The following SHISA6 variants were observed in gnomAD, a reference collection of about 807,000 sequenced individuals.
SHISA6 encodes protein shisa-6.
In SHISA6, 22 loss-of-function variants were observed where a neutral mutation model predicts 47.9. The ratio of observed to expected loss-of-function variants is 0.46; its 90% confidence interval spans 0.33 to 0.66. SHISA6 has a LOEUF of 0.66. SHISA6 is among the 30% of genes least tolerant of loss of function. The pLI, the probability that SHISA6 is intolerant of heterozygous loss-of-function variation, is 0.02. For missense variants in SHISA6, 680 were observed against 764.6 expected (o/e 0.89, Z 1.30); for synonymous variants, 388 against 337.8 (o/e 1.15, Z -1.63).
chr17:11,387,345 A>C (rs116856769), intron 3 of SHISA6, among the ~76,000 whole-genome samples: 5,325 of 152,174 alleles, frequency 0.035, 178 homozygotes, highest in Admixed American at 0.088. Context: ...GCAGGTGATG[A>C]GTTCAAGGCT....
intron 2 of SHISA6, among the ~76,000 whole-genome samples, chr17:11,310,681 A>C (rs1031421913): frequency 2.0e-5 from 3 of 152,224 alleles, no homozygotes; most frequent in Non-Finnish European, 2.9e-5. Flanking sequence ...TGCTTTAAAA[A>C]GATCACCTCT....
chr17:11,287,286 A>AAAGG (rs140468493), intron 2 of SHISA6, among the ~76,000 whole-genome samples: 1,965 of 149,952 alleles, frequency 0.013, 36 homozygotes, highest in African/African-American at 0.044. Flanking sequence ...GGAAGGAAGG[A>AAAGG]AAGGAAGGAA....
At chr17:11,272,375 C>T (rs997870267) in intron 2 of SHISA6, among the ~76,000 whole-genome samples, 2 of 152,130 alleles carry the variant, frequency 1.3e-5, no homozygotes, top group African/African-American at 4.8e-5. Context: ...GCTCCCTGCC[C>T]GGGGGCCTTT....
At chr17:11,286,720 C>T (rs1232616843) in intron 2 of SHISA6, among the ~76,000 whole-genome samples, 1 of 152,172 alleles carries the variant, frequency 6.6e-6, no homozygotes, top group Non-Finnish European at 1.5e-5. Flanking sequence ...GGTGAAATGT[C>T]CATTCAGACC....
At chr17:11,551,031 C>T (rs1342574069) in intron 3 of SHISA6, among the ~76,000 whole-genome samples, 5 of 152,170 alleles carry the variant, frequency 3.3e-5, no homozygotes, top group East Asian at 1.9e-4. Context: ...CTGTAACCTG[C>T]GGTTTAGGTA....
chr17:11,318,387 G>A (rs928102551), intron 2 of SHISA6, among the ~76,000 whole-genome samples: 18 of 152,114 alleles, frequency 1.2e-4, no homozygotes, highest in East Asian at 5.8e-4. Context: ...ACTAGGCCTC[G>A]TTTGGCTTCG....
intron 1 of SHISA6, among the ~76,000 whole-genome samples, chr17:11,245,598 G>A (rs188496717): frequency 3.2e-4 from 49 of 152,210 alleles, no homozygotes; most frequent in African/African-American, 1.2e-3. Context: ...TCATTCTGAG[G>A]GAGGAACTGT....
chr17:11,474,329 T>G (rs113471517), intron 3 of SHISA6, among the ~76,000 whole-genome samples: 6 of 152,288 alleles, frequency 3.9e-5, no homozygotes, highest in African/African-American at 1.4e-4. Context: ...ATGAGCTTTT[T>G]TTTTCATGTT....
chr17:11,423,684 A>G (rs1372601397), intron 3 of SHISA6, among the ~76,000 whole-genome samples: 1 of 152,194 alleles, frequency 6.6e-6, no homozygotes, highest in Non-Finnish European at 1.5e-5. Flanking sequence ...TCAGTTCACC[A>G]TACAGCCGCC....
intron 2 of SHISA6, among the ~76,000 whole-genome samples, chr17:11,291,766 G>A (rs1457318717): frequency 3.3e-5 from 5 of 152,084 alleles, no homozygotes; most frequent in Non-Finnish European, 5.9e-5. Flanking sequence ...CTTGTAGGTG[G>A]CCGCCTTCTC....
At chr17:11,270,839 T>C (rs1290356682) in intron 2 of SHISA6, among the ~76,000 whole-genome samples, 2 of 152,110 alleles carry the variant, frequency 1.3e-5, no homozygotes, top group Non-Finnish European at 2.9e-5. Flanking sequence ...TGGGATCCCA[T>C]AGGGGAATGG....
At chr17:11,483,172 G>A (rs1009824197) in intron 3 of SHISA6, among the ~76,000 whole-genome samples, 1 of 151,880 alleles carries the variant, frequency 6.6e-6, no homozygotes, top group Non-Finnish European at 1.5e-5. Context: ...GTGGTGGCAC[G>A]TGCCTGTAAT....
At chr17:11,421,769 T>G (rs1914457356) in intron 3 of SHISA6, among the ~76,000 whole-genome samples, 1 of 152,200 alleles carries the variant, frequency 6.6e-6, no homozygotes, top group African/African-American at 2.4e-5. Flanking sequence ...AAATGGAGCA[T>G]GAGGCAGATT....
intron 3 of SHISA6, among the ~76,000 whole-genome samples, chr17:11,523,432 T>G (rs558005470): frequency 2.7e-4 from 41 of 152,264 alleles, no homozygotes; most frequent in African/African-American, 8.9e-4. Context: ...TGTCTCTCTG[T>G]GAGCCAGGGA....
At chr17:11,332,817 G>A (rs1270208110) in intron 2 of SHISA6, among the ~76,000 whole-genome samples, 1 of 152,110 alleles carries the variant, frequency 6.6e-6, no homozygotes, top group Non-Finnish European at 1.5e-5. Context: ...TTAGTGGGGG[G>A]TTTTGACAGA....
rs144730720 is a variant in SHISA6, at chr17:11,555,943, T to G, written c.1105+51T>G. 11 of 1,468,340 alleles carry G rather than the reference T, an allele frequency of 7.5e-6. No homozygotes were observed. The African/African-American group carries it at 1.6e-4, about 21-fold the overall frequency. 91.0% of individuals were successfully genotyped at this position (1,468,340 alleles called of 1,614,324 possible). ...GGTCTGTCTCTGGGGCTCCAAGATA[T>G]CTTCCTATGTCACACTCTCTTGCTC... is the stretch of plus-strand genomic sequence containing the variant. On this transcript the variant is annotated intron_variant, in intron 5 of 5. Transcript: ENST00000441885.
In SHISA6 at chr17:11,480,914, G is replaced by A. The variant is rs183835556; in HGVS notation, c.896-70982G>A. Among the ~76,000 whole-genome samples the A allele has an allele frequency of 2.3e-3, 344 of 152,178 alleles. 2 individuals are homozygous for A. The highest frequency in any genetic ancestry group is 4.2e-3 in the Non-Finnish European group (283 of 67,992). On this transcript the variant is annotated intron_variant, in intron 3 of 5. Coordinates refer to ENST00000441885, the MANE Select transcript of SHISA6 (RefSeq NM_207386.4). The stretch of plus-strand genomic sequence containing the variant: ...AAATCAGTTGAAGGCAGGGGGAAGT[G>A]AGTATATTAAAAAAATAGAGTATAT...
In SHISA6 at chr17:11,241,310, G is replaced by T. The variant is rs1012065378; in HGVS notation, c.-113G>T. ...TCGATGGCGCCATCGCCCCGGAGCC[G>T]CTGACCGCTCAGCGCCTCCAGCCCG... On this transcript the variant is annotated 5_prime_UTR_variant, in exon 1 of 6. Transcript: ENST00000441885. The surrounding 1 kb of genome is among the most constrained non-coding windows in gnomAD (Gnocchi z 5.5). 3.9e-5 allele frequency: 25 copies of T among 643,000 alleles called. No individual in the cohort carries two copies. Among genetic ancestry groups the T allele is most frequent in the Non-Finnish European group, 4.4e-5 (23 of 518,040 alleles). The allele number at this position is 643,000 out of a possible 1,614,324, so 39.8% of individuals were successfully genotyped here. A position where few individuals can be genotyped will look rare whatever the true frequency, so the allele number is the denominator to read the frequency against.
chr17:11,283,502 A>G (rs1213141356), intron 2 of SHISA6, among the ~76,000 whole-genome samples: 1 of 152,230 alleles, frequency 6.6e-6, no homozygotes, highest in Non-Finnish European at 1.5e-5. Context: ...AAGTGGGTCT[A>G]AAGCCTCATG....
Sources: allele counts gnomAD v4.1 joint callset (sites outside exome capture counted in the v4.1 genomes callset), GRCh38; gene constraint gnomAD v4.1.1; non-coding constraint Gnocchi (gnomAD v3.1); transcripts MANE v1.5; gene names NCBI Gene and HGNC (gene_info 2026-07-23, HGNC 2026-07-21).